Variants in PPFIA2 observed in about 807,000 individuals in gnomAD.
PPFIA2 encodes liprin-alpha-2.
In PPFIA2, 46 loss-of-function variants were observed where a neutral mutation model predicts 175.5. That is an observed-to-expected ratio of 0.26 (90% CI 0.21 to 0.34). The LOEUF is 0.34. Ranked by LOEUF, PPFIA2 falls within the 10% of genes least tolerant of loss-of-function variation. PPFIA2 has a pLI of 1.00. For synonymous variants in PPFIA2, 568 were observed against 511.4 expected, an observed-to-expected ratio of 1.11 and a Z score of -1.49; for missense variants, 1,179 against 1,506.1, an observed-to-expected ratio of 0.78 and a Z score of 3.60.
At chr12:81,618,812 G>T (rs1683812638) in intron 4 of PPFIA2, among the ~76,000 whole-genome samples, 1 of 150,468 alleles carries the variant, frequency 6.6e-6, no homozygotes, top group South Asian at 2.1e-4. Flanking sequence ...GATTACAGGC[G>T]TGAGCCACCG....
intron 4 of PPFIA2, among the ~76,000 whole-genome samples, chr12:81,469,367 C>T (rs1026317694): frequency 2.0e-5 from 3 of 152,092 alleles, no homozygotes; most frequent in South Asian, 2.1e-4. Flanking sequence ...AAAAAGACAT[C>T]GTAAATAGAA....
At chr12:81,316,990 T>C (rs1357963881) in intron 22 of PPFIA2, among the ~76,000 whole-genome samples, 1 of 151,574 alleles carries the variant, frequency 6.6e-6, no homozygotes, top group Admixed American at 6.6e-5. Context: ...TAAAAGAAAA[T>C]AGCAGTTTTT....
rs2034406015 is a variant in PPFIA2, at chr12:81,258,310, A to G, written c.*1384T>C. 6.6e-6 allele frequency: 1 copy of G among 152,172 alleles called. No individual in the cohort carries two copies. The highest frequency in any genetic ancestry group is 1.9e-4 in the East Asian group (1 of 5,200). The allele number at this position is 152,172 out of a possible 1,614,324, so 9.4% of individuals were successfully genotyped here. ...ATTGACAATGGAAAGGGTTTCTGTTATCATTACCTTTTGACTGAATCTGTT... is the reference window on the plus strand; with the variant it reads ...ATTGACAATGGAAAGGGTTTCTGTTGTCATTACCTTTTGACTGAATCTGTT... On this transcript the variant is annotated 3_prime_UTR_variant, in exon 33 of 33. Coordinates refer to ENST00000549396, the MANE Select transcript of PPFIA2 (RefSeq NM_003625.5).
At chr12:81,384,384 A>T in intron 8 of PPFIA2, 140 bp from the exon 9 acceptor site, 1 of 659,034 alleles carries the variant, frequency 1.5e-6, no homozygotes, top group Non-Finnish European at 2.5e-6. Context: ...TTTGCCGAAA[A>T]ACTAAGTTTC....
intron 3 of PPFIA2, among the ~76,000 whole-genome samples, chr12:81,680,107 T>G (rs1009935288): frequency 1.2e-4 from 18 of 152,098 alleles, no homozygotes; most frequent in African/African-American, 4.3e-4. Context: ...CCTAGAAAGT[T>G]TTTTGACTTA....
chr12:81,284,572 G>A (rs2042838067), intron 24 of PPFIA2, among the ~76,000 whole-genome samples: 1 of 152,204 alleles, frequency 6.6e-6, no homozygotes. Context: ...ATCAGAAAAA[G>A]AGCATCATCA....
At chr12:81,742,698 G>C (rs989944664) in intron 3 of PPFIA2, among the ~76,000 whole-genome samples, 1 of 152,132 alleles carries the variant, frequency 6.6e-6, no homozygotes, top group Admixed American at 6.5e-5. Context: ...ATTATCAATA[G>C]TGTCAATAGA....
chr12:81,495,807 C>G (rs973531364), intron 4 of PPFIA2, among the ~76,000 whole-genome samples: 1 of 152,150 alleles, frequency 6.6e-6, no homozygotes, highest in Non-Finnish European at 1.5e-5. Flanking sequence ...ACAGTAAGAT[C>G]CTGTTTCCAA....
chr12:81,671,617 C>T (rs73149312), intron 4 of PPFIA2, among the ~76,000 whole-genome samples: 1 of 151,782 alleles, frequency 6.6e-6, no homozygotes, highest in African/African-American at 2.4e-5. Flanking sequence ...GACTTCAATG[C>T]TTCCCTTTGG....
At chr12:81,409,957 C>A (rs1399038827) in intron 7 of PPFIA2, among the ~76,000 whole-genome samples, 1 of 152,084 alleles carries the variant, frequency 6.6e-6, no homozygotes, top group African/African-American at 2.4e-5. Context: ...TATGTTGAAA[C>A]CTAGGGCTCA....
At chr12:81,302,304 G>T (rs1269871965) in intron 22 of PPFIA2, 2 of 265,124 alleles carry the variant, frequency 7.5e-6, no homozygotes, top group Admixed American at 4.9e-5. Context: ...CTGATCCCAA[G>T]AGTCTGATCT....
intron 4 of PPFIA2, among the ~76,000 whole-genome samples, chr12:81,635,349 T>G (rs763489249): frequency 2.1e-4 from 32 of 152,230 alleles, no homozygotes; most frequent in Non-Finnish European, 4.4e-4. Flanking sequence ...AAGGAATATA[T>G]ACACACACTC....
chr12:81,280,695 G>GCAT (rs1747851196), intron 27 of PPFIA2, among the ~76,000 whole-genome samples: 1 of 151,754 alleles, frequency 6.6e-6, no homozygotes, highest in Non-Finnish European at 1.5e-5. Context: ...AAAAGACATT[G>GCAT]CCTTTTGTTC....
chr12:81,296,804 T>A (rs200813221), intron 23 of PPFIA2: 1 of 105,572 alleles, frequency 9.5e-6, no homozygotes, highest in African/African-American at 3.4e-5. Flanking sequence ...CTCAGCCATA[T>A]TTTCCTCATT....
chr12:81,658,268 CAAAAAAAA>C (rs1318255722), intron 4 of PPFIA2, among the ~76,000 whole-genome samples: 15 of 114,502 alleles, frequency 1.3e-4, no homozygotes, highest in African/African-American at 5.9e-4. Context: ...AACTCCATCT[CAAAAAAAA>C]AAAAAAAAGA....
At chr12:81,371,690 C>G (rs956999845) in intron 11 of PPFIA2, among the ~76,000 whole-genome samples, 21 of 151,552 alleles carry the variant, frequency 1.4e-4, no homozygotes, top group African/African-American at 5.1e-4. Flanking sequence ...AAATAAAATA[C>G]CTCATTCAAG....
At chr12:81,571,874 A>T (rs569546781) in intron 4 of PPFIA2, among the ~76,000 whole-genome samples, 8 of 152,252 alleles carry the variant, frequency 5.3e-5, no homozygotes, top group African/African-American at 1.7e-4. Context: ...AATTGAATAA[A>T]AGAGAAATCC....
chr12:81,328,359 A>G (rs1436901966), intron 21 of PPFIA2, among the ~76,000 whole-genome samples: 1 of 152,234 alleles, frequency 6.6e-6, no homozygotes, highest in Admixed American at 6.5e-5. Context: ...AGCTCTTGAA[A>G]TGTGCCTAAT....
At chr12:81,735,614 T>C (rs2081479001) in intron 3 of PPFIA2, among the ~76,000 whole-genome samples, 1 of 151,826 alleles carries the variant, frequency 6.6e-6, no homozygotes, top group Non-Finnish European at 1.5e-5. Context: ...ATAATTTTTT[T>C]TGTGGATTGT....
Sources: allele counts gnomAD v4.1 joint callset (sites outside exome capture counted in the v4.1 genomes callset), GRCh38; gene constraint gnomAD v4.1.1; transcripts MANE v1.5; gene names NCBI Gene and HGNC (gene_info 2026-07-23, HGNC 2026-07-21).